The following RIMBP2 variants were observed in gnomAD, a reference collection of about 807,000 sequenced individuals.
RIMBP2 encodes RIMS binding protein 2.
Under a neutral mutation model 118.6 loss-of-function variants are expected in RIMBP2, and 48 were observed. The observed-to-expected ratio is 0.40, with a 90% confidence interval of 0.32 to 0.51. RIMBP2 has a LOEUF of 0.51. Ranked by LOEUF, RIMBP2 falls within the 20% of genes least tolerant of loss-of-function variation. The probability of loss-of-function intolerance (pLI) is 0.41; values close to 1 mark genes in which losing one functional copy is unlikely to be tolerated. For missense variants in RIMBP2, 1,551 were observed against 1,768.3 expected, an observed-to-expected ratio of 0.88 and a Z score of 2.20; for synonymous variants, 762 against 742.9, an observed-to-expected ratio of 1.03 and a Z score of -0.42.
intron 22 of RIMBP2, 99 bp from the exon 23 acceptor site, chr12:130,397,648 CA>C (rs755126199): frequency 2.5e-6 from 1 of 396,244 alleles, no homozygotes; most frequent in Non-Finnish European, 4.4e-6. Flanking sequence ...CAGGAAAGGT[CA>C]GGGGGGTTCA....
chr12:130,679,628 C>T (rs141326806), intron 1 of RIMBP2, among the ~76,000 whole-genome samples: 8 of 152,250 alleles, frequency 5.3e-5, no homozygotes, highest in Admixed American at 2.0e-4. Flanking sequence ...GCAGCTGAGA[C>T]GGCTGTGATG....
At chr12:130,702,134 A>G (rs1264043211) in intron 1 of RIMBP2, among the ~76,000 whole-genome samples, 1 of 152,034 alleles carries the variant, frequency 6.6e-6, no homozygotes, top group East Asian at 1.9e-4. Context: ...ACAGTGGGGG[A>G]GGAAAATCTA....
intron 12 of RIMBP2, among the ~76,000 whole-genome samples, chr12:130,437,768 G>A (rs968654368): frequency 2.0e-5 from 3 of 152,304 alleles, no homozygotes; most frequent in Admixed American, 6.5e-5. Context: ...TGCAGGAAGC[G>A]GCTCAGGCAG....
chr12:130,614,378 C>G (rs1193189529), intron 2 of RIMBP2, among the ~76,000 whole-genome samples: 1 of 152,158 alleles, frequency 6.6e-6, no homozygotes, highest in East Asian at 1.9e-4. Flanking sequence ...GACGACATTC[C>G]CTCTGCCCTA....
chr12:130,574,339 G>A lies in RIMBP2; in HGVS notation c.-217+53983C>T, dbSNP rs562388544. Among the ~76,000 whole-genome samples, 350 of 152,118 alleles carry A rather than the reference G, an allele frequency of 2.3e-3. 1 individual carries two copies. Among genetic ancestry groups the A allele is most frequent in the Non-Finnish European group, 1.7e-3 (114 of 67,992 alleles). On this transcript the variant is annotated intron_variant, in intron 2 of 22. Transcript: ENST00000690449. The stretch of plus-strand genomic sequence containing the variant: ...CCGAGGGGGACACCACACACATGGC[G>A]AGCTACCTCCTTCCCTAGGAACTCA...
At chr12:130,397,687 C>T in intron 22 of RIMBP2, 138 bp from the exon 23 acceptor site, 1 of 394,520 alleles carries the variant, frequency 2.5e-6, no homozygotes, top group African/African-American at 2.1e-5. Context: ...TGAAGTATGC[C>T]ATGAGAAGCA....
chr12:130,629,765 C>T (rs12146832), intron 1 of RIMBP2, among the ~76,000 whole-genome samples: 1 of 152,154 alleles, frequency 6.6e-6, no homozygotes, highest in African/African-American at 2.4e-5. Flanking sequence ...TGAGGAGATT[C>T]TACAACAAAA....
chr12:130,463,469 G>C (rs567108936), intron 6 of RIMBP2, among the ~76,000 whole-genome samples: 9 of 152,272 alleles, frequency 5.9e-5, no homozygotes, highest in African/African-American at 1.9e-4. Flanking sequence ...CTAAAGACAA[G>C]GGGGAAGCAT....
chr12:130,438,465 G>A lies in RIMBP2; in HGVS notation c.1556C>T (p.Ala519Val), dbSNP rs780876982. 6.2e-7 allele frequency: 1 copy of A among 1,613,192 alleles called. No homozygotes were observed. Among genetic ancestry groups the A allele is most frequent in the Non-Finnish European group, 8.5e-7 (1 of 1,179,660 alleles). ...TGGTCTCCAGGAGACCCGGATGGTG[G>A]CGGGGGTCACCCCAGCCTGGACGGT... ...DVTVQAGVTPATIRVSWRPPV... is the reference protein window; with the variant it reads ...DVTVQAGVTPVTIRVSWRPPV... The change falls in exon 12 of 23, where the codon GCC (alanine) becomes GTC (valine). Residue 519 changes from alanine to valine, a missense_variant. By Grantham distance (64) the Ala-to-Val change is moderately conservative (BLOSUM62 0). Transcript: ENST00000690449.
At chr12:130,560,346 A>G (rs2056718830) in intron 2 of RIMBP2, among the ~76,000 whole-genome samples, 1 of 152,082 alleles carries the variant, frequency 6.6e-6, no homozygotes, top group South Asian at 2.1e-4. Context: ...AGGGTTTCTC[A>G]ACCTCAGCCC....
chr12:130,399,627 C>T, intron 22 of RIMBP2, 52 bp downstream of exon 22: 2 of 1,596,074 alleles, frequency 1.3e-6, no homozygotes, highest in Non-Finnish European at 8.6e-7. Context: ...TGTATTAGAC[C>T]ACATATGGCA....
intron 21 of RIMBP2, among the ~76,000 whole-genome samples, chr12:130,404,820 T>C (rs2075009223): frequency 6.6e-6 from 1 of 152,104 alleles, no homozygotes; most frequent in Non-Finnish European, 1.5e-5. Context: ...CTCCCAAACA[T>C]AAAAATGCAT....
chr12:130,413,210 C>G (rs1196229507), intron 18 of RIMBP2, among the ~76,000 whole-genome samples: 2 of 152,182 alleles, frequency 1.3e-5, no homozygotes, highest in African/African-American at 4.8e-5. Context: ...GGCATTCCGA[C>G]CGTTCTCAAA....
intron 2 of RIMBP2, among the ~76,000 whole-genome samples, chr12:130,614,908 A>C (rs974699506): frequency 2.0e-5 from 3 of 149,344 alleles, no homozygotes; most frequent in African/African-American, 7.3e-5. Flanking sequence ...TGTACTTTAC[A>C]AAATGTTTTA....
At chr12:130,606,593 G>A (rs1389522804) in intron 2 of RIMBP2, among the ~76,000 whole-genome samples, 1 of 152,146 alleles carries the variant, frequency 6.6e-6, no homozygotes, top group Admixed American at 6.5e-5. Context: ...ACCATTTATA[G>A]CAAAACTCTT....
intron 1 of RIMBP2, among the ~76,000 whole-genome samples, chr12:130,674,927 G>A (rs925778832): frequency 3.9e-5 from 6 of 152,176 alleles, no homozygotes; most frequent in African/African-American, 4.8e-5. Context: ...GTGTGGTGGC[G>A]TGTGTCAGGC....
rs1438050488 is a variant in RIMBP2, at chr12:130,705,567, C to T, written c.-352+10655G>A. The stretch of plus-strand genomic sequence containing the variant: ...GTAAAACGCTCTTCCTGACCAGCTC[C>T]TCACTAACGAACAACTCAGCACAGG... On this transcript the variant is annotated intron_variant, in intron 1 of 22. Coordinates refer to ENST00000690449, the MANE Select transcript of RIMBP2 (RefSeq NM_001393629.1). Among the ~76,000 whole-genome samples, 3 of 152,254 alleles carry T rather than the reference C, an allele frequency of 2.0e-5. No individual in the cohort carries two copies. In the East Asian group the frequency reaches 5.8e-4, roughly 29 times the overall value.
At chr12:130,445,718 A>G (rs2078465236) in intron 9 of RIMBP2, among the ~76,000 whole-genome samples, 1 of 152,186 alleles carries the variant, frequency 6.6e-6, no homozygotes, top group Non-Finnish European at 1.5e-5. Context: ...CTATACTTCT[A>G]CCTCTTGAAA....
intron 5 of RIMBP2, among the ~76,000 whole-genome samples, chr12:130,473,307 G>A (rs531938619): frequency 2.0e-5 from 3 of 152,332 alleles, no homozygotes; most frequent in African/African-American, 7.2e-5. Context: ...ACGGAGAGTG[G>A]TTCCTGCAGA....
Sources: gnomAD v4.1 joint callset for allele counts (sites outside exome capture counted in the v4.1 genomes callset) on GRCh38, gnomAD v4.1.1 for gene constraint, MANE v1.5 for transcripts, NCBI Gene and HGNC (gene_info 2026-07-23, HGNC 2026-07-21) for gene names.